CSMD1: variants seen among roughly 807,000 people sequenced by gnomAD.
CSMD1 encodes the protein CUB and sushi domain-containing protein 1.
A neutral mutation model predicts 417.5 loss-of-function variants in CSMD1; 213 were observed. The ratio of observed to expected loss-of-function variants is 0.51; its 90% confidence interval spans 0.46 to 0.57. The LOEUF is 0.57. Among genes scored for constraint, CSMD1 ranks in the 20% least tolerant of loss-of-function variants. The probability of loss-of-function intolerance (pLI) is 0.00; values close to 1 mark genes in which losing one functional copy is unlikely to be tolerated. For missense variants in CSMD1, 6,923 were observed against 4,529.7 expected (o/e 1.53, Z -15.17); for synonymous variants, 2,862 against 1,736.8 (o/e 1.65, Z -16.11).
chr8:4,443,181 A>G (rs964855737), intron 2 of CSMD1, among the ~76,000 whole-genome samples: 5 of 152,184 alleles, frequency 3.3e-5, no homozygotes, highest in Admixed American at 3.3e-4. Flanking sequence ...TCTTACAGTG[A>G]TATATTACTG....
At chr8:4,810,420 T>C (rs1250188610) in intron 1 of CSMD1, among the ~76,000 whole-genome samples, 1 of 152,234 alleles carries the variant, frequency 6.6e-6, no homozygotes, top group Non-Finnish European at 1.5e-5. Context: ...AAACTCACTA[T>C]GCAGGGAAAC....
chr8:4,566,452 G>A (rs1414270974), intron 2 of CSMD1, among the ~76,000 whole-genome samples: 1 of 151,742 alleles, frequency 6.6e-6, no homozygotes, highest in Non-Finnish European at 1.5e-5. Flanking sequence ...AAGAGAACGA[G>A]ACCATCCTGG....
rs762887070 is a variant in CSMD1 at position 3,998,074 on chromosome 8, C to T, written c.647G>A (p.Ser216Asn). 1.9e-6 allele frequency: 3 copies of T among 1,588,184 alleles called. No homozygotes were observed. Among genetic ancestry groups the T allele is most frequent in the Admixed American group, 1.8e-5 (1 of 56,170 alleles). Residue 216 changes from serine (S) to asparagine (N), a missense_variant, in exon 5 of 70, where the codon AGC (serine) becomes AAC (asparagine). Coordinates refer to ENST00000635120, the MANE Select transcript of CSMD1 (RefSeq NM_033225.6). Reference protein sequence around the residue: ...GACGGTLRGTSSSISSPHFPS... With the variant: ...GACGGTLRGTNSSISSPHFPS... Reference sequence around the variant, plus strand: ...GAAGTGCGGGCTGGAGATGGAGCTGCTGGTCCCGCGTAAGGTTCCTCCGCA... The same window carrying T: ...GAAGTGCGGGCTGGAGATGGAGCTGTTGGTCCCGCGTAAGGTTCCTCCGCA...
chr8:3,347,852 T>G, intron 22 of CSMD1, 140 bp downstream of exon 22: 1 of 563,350 alleles, frequency 1.8e-6, no homozygotes, highest in Non-Finnish European at 2.9e-6. Context: ...CTCAAACTCA[T>G]TGTGTAAATA....
At chr8:3,657,742 G>A (rs757934102) in intron 7 of CSMD1, among the ~76,000 whole-genome samples, 2 of 152,124 alleles carry the variant, frequency 1.3e-5, no homozygotes, top group Non-Finnish European at 2.9e-5. Context: ...AATACCTAAT[G>A]TAGATGATGG....
chr8:3,517,245 G>C (rs1381723870), intron 10 of CSMD1, among the ~76,000 whole-genome samples: 1 of 152,168 alleles, frequency 6.6e-6, no homozygotes, highest in African/African-American at 2.4e-5. Flanking sequence ...TGATTAGAGG[G>C]AAAACTTGAA....
At chr8:3,496,024 G>A (rs532743208) in intron 10 of CSMD1, among the ~76,000 whole-genome samples, 3 of 152,272 alleles carry the variant, frequency 2.0e-5, no homozygotes, top group Admixed American at 1.3e-4. Context: ...ATTAAGCCCA[G>A]CATGCATTAG....
At chr8:4,403,571 G>T (rs80196499) in intron 3 of CSMD1, among the ~76,000 whole-genome samples, 2 of 152,110 alleles carry the variant, frequency 1.3e-5, no homozygotes, top group Non-Finnish European at 2.9e-5. Flanking sequence ...TGAAAGGCTT[G>T]AGTTGACTTC....
chr8:3,439,305 A>ATT (rs1254998951), intron 12 of CSMD1, among the ~76,000 whole-genome samples: 8 of 41,184 alleles, frequency 1.9e-4, no homozygotes, highest in South Asian at 9.4e-4. Flanking sequence ...ATATATATAT[A>ATT]TATATTTTTT....
rs370216684 is a variant in CSMD1, at chr8:3,315,460, G to GTGTGTGTT, written c.3632-6958_3632-6957insAACACACA. Among the ~76,000 whole-genome samples, 943 of 151,574 alleles carry GTGTGTGTT rather than the reference G, an allele frequency of 6.2e-3. 6 individuals are homozygous for GTGTGTGTT. Among genetic ancestry groups the GTGTGTGTT allele is most frequent in the African/African-American group, 0.02 (838 of 41,364 alleles). On this transcript the variant is annotated intron_variant, in intron 23 of 69. Transcript: ENST00000635120. ...TGAGTGTGTGTGTGTGTGTGTGTGT[G>GTGTGTGTT]TGATTTTTAAACTATCTTTTAAATT...
chr8:4,189,054 A>T (rs1647305), intron 3 of CSMD1, among the ~76,000 whole-genome samples: 1 of 152,140 alleles, frequency 6.6e-6, no homozygotes, highest in African/African-American at 2.4e-5. Context: ...TTTATTTGTT[A>T]TAAGAGTGAA....
intron 2 of CSMD1, among the ~76,000 whole-genome samples, chr8:4,465,536 C>G (rs1429717448): frequency 1.3e-5 from 2 of 152,134 alleles, no homozygotes; most frequent in African/African-American, 4.8e-5. Context: ...ACATACAACT[C>G]CACTCTCAGA....
At position 4,905,784 on chromosome 8, in the gene CSMD1, C is replaced by G. The variant is rs887484231; in HGVS notation, c.85+88548G>C. 1.4e-5 allele frequency among the ~76,000 whole-genome samples: 2 copies of G among 138,610 alleles called. 1 individual carries two copies. Among genetic ancestry groups the G allele is most frequent in the South Asian group, 4.7e-4 (2 of 4,264 alleles). The allele number at this position is 138,610 out of a possible 152,430, so 90.9% of individuals were successfully genotyped here. A position where few individuals can be genotyped will look rare whatever the true frequency, so the allele number is the denominator to read the frequency against. On this transcript the variant is annotated intron_variant, in intron 1 of 69. Coordinates refer to ENST00000635120, the MANE Select transcript of CSMD1 (RefSeq NM_033225.6). ...GCAGTGAGCCGAGATTGTGCCACTGCACTCCAGCCTGGGCCACAGAGCGAG... is the reference window on the plus strand; with the variant it reads ...GCAGTGAGCCGAGATTGTGCCACTGGACTCCAGCCTGGGCCACAGAGCGAG...
intron 26 of CSMD1, among the ~76,000 whole-genome samples, chr8:3,260,701 A>G (rs910576842): frequency 1.2e-4 from 18 of 152,172 alleles, no homozygotes; most frequent in South Asian, 2.1e-4. Flanking sequence ...ATTACACAAA[A>G]CAAAATGAGA....
chr8:3,236,736 A>G (rs924884414), intron 26 of CSMD1, among the ~76,000 whole-genome samples: 1 of 152,130 alleles, frequency 6.6e-6, no homozygotes, highest in Admixed American at 6.5e-5. Context: ...TTTTTCTCTT[A>G]AATATGTTTT....
At chr8:4,193,864 C>A (rs911215698) in intron 3 of CSMD1, among the ~76,000 whole-genome samples, 2 of 151,840 alleles carry the variant, frequency 1.3e-5, no homozygotes, top group Non-Finnish European at 2.9e-5. Flanking sequence ...TCTTCAGCAC[C>A]GAGAAGCCTC....
intron 3 of CSMD1, among the ~76,000 whole-genome samples, chr8:4,163,149 G>A (rs532848772): frequency 6.6e-6 from 1 of 152,150 alleles, no homozygotes; most frequent in Non-Finnish European, 1.5e-5. Flanking sequence ...GTACACTTTG[G>A]TTGCTTCCAG....
intron 3 of CSMD1, among the ~76,000 whole-genome samples, chr8:4,341,603 C>T (rs1800482261): frequency 6.6e-6 from 1 of 152,054 alleles, no homozygotes; most frequent in East Asian, 1.9e-4. Flanking sequence ...CCTGTTTGTC[C>T]AGTGAAACTG....
intron 5 of CSMD1, among the ~76,000 whole-genome samples, chr8:3,922,433 T>A (rs972270819): frequency 6.6e-6 from 1 of 152,100 alleles, no homozygotes; most frequent in Non-Finnish European, 1.5e-5. Flanking sequence ...TCTTGGACTG[T>A]TTCATCATTA....
Sources: allele counts gnomAD v4.1 joint callset (sites outside exome capture counted in the v4.1 genomes callset), GRCh38; gene constraint gnomAD v4.1.1; transcripts MANE v1.5; gene names NCBI Gene and HGNC (gene_info 2026-07-23, HGNC 2026-07-21).